The following CEP128 variants were observed in gnomAD, a reference collection of about 807,000 sequenced individuals.
CEP128 encodes the protein centrosomal protein 128kDa.
In CEP128, 132 loss-of-function variants were observed where a neutral mutation model predicts 156.7. The ratio of observed to expected loss-of-function variants is 0.84; its 90% CI spans 0.73 to 0.97. The LOEUF is 0.97. Among genes scored for constraint, CEP128 ranks in the 50% least tolerant of loss-of-function variants. The pLI is 0.00. For synonymous variants in CEP128, 469 were observed against 448.9 expected (o/e 1.04, Z -0.57); for missense variants, 1,252 against 1,281.9 (o/e 0.98, Z 0.36).
In CEP128 at chr14:80,853,370, T is replaced by C. The variant is rs1355369934; in HGVS notation, c.762+9387A>G. Reference sequence around the variant, plus strand: ...CCTTTAATTTCAAATGATATGATTATCTATACACTAAGATAGTATGTCAGT... The same window carrying C: ...CCTTTAATTTCAAATGATATGATTACCTATACACTAAGATAGTATGTCAGT... On this transcript the variant is annotated intron_variant, in intron 9 of 24. Transcript: ENST00000555265. Among the ~76,000 whole-genome samples, 3 of 151,862 alleles carry C rather than the reference T, an allele frequency of 2.0e-5. No homozygotes were observed. The East Asian group carries it at 5.8e-4, about 29-fold the overall frequency.
chr14:80,696,301 T>C (rs1291649814), intron 19 of CEP128, among the ~76,000 whole-genome samples: 1 of 152,160 alleles, frequency 6.6e-6, no homozygotes, highest in Non-Finnish European at 1.5e-5. Flanking sequence ...GAGTGACTTA[T>C]AGGATATCCA....
In CEP128 at chr14:80,743,231, T is replaced by C; in HGVS notation, c.2650A>G (p.Arg884Gly). 1 of 1,613,344 alleles carries C rather than the reference T, an allele frequency of 6.2e-7. No individual in the cohort carries two copies. The highest frequency in any genetic ancestry group is 8.5e-7 in the Non-Finnish European group (1 of 1,179,658). Residue 884 changes from arginine (R) to glycine (G), a missense_variant, in exon 19 of 25, where the codon AGA (arginine) becomes GGA (glycine). By Grantham distance (125) the Arg-to-Gly change is moderately radical. Coordinates refer to ENST00000555265, the MANE Select transcript of CEP128 (RefSeq NM_152446.5). ...CGCAGATTTTTCTCTCTGTTTTCTC[T>C]CTCTTTCAGTTCCTCACAGAGCCAC... ...LQWLCEELKE[R>G]ENREKNLRHQ...
At chr14:80,724,139 C>G (rs1342347493) in intron 19 of CEP128, among the ~76,000 whole-genome samples, 1 of 152,164 alleles carries the variant, frequency 6.6e-6, no homozygotes, top group Non-Finnish European at 1.5e-5. Flanking sequence ...TTCCTCCTGA[C>G]CCTTAAGTCT....
intron 19 of CEP128, among the ~76,000 whole-genome samples, chr14:80,621,582 T>A (rs187196418): frequency 6.6e-6 from 1 of 152,250 alleles, no homozygotes; most frequent in Admixed American, 6.5e-5. Context: ...TACAGTAATA[T>A]ACTAACCAGC....
At chr14:80,700,926 C>T (rs950769296) in intron 19 of CEP128, among the ~76,000 whole-genome samples, 1 of 152,080 alleles carries the variant, frequency 6.6e-6, no homozygotes, top group African/African-American at 2.4e-5. Context: ...AATAGGATAT[C>T]ACATATAGGA....
chr14:80,649,077 A>T (rs1894782832), intron 19 of CEP128, among the ~76,000 whole-genome samples: 1 of 152,138 alleles, frequency 6.6e-6, no homozygotes. Context: ...ATGAGTAGAA[A>T]AGGTTAAGAT....
At chr14:80,814,327 T>C (rs932209681) in intron 13 of CEP128, among the ~76,000 whole-genome samples, 1 of 152,296 alleles carries the variant, frequency 6.6e-6, no homozygotes, top group Middle Eastern at 3.4e-3. Flanking sequence ...ATATCTCTTA[T>C]GAACTTTTCT....
At chr14:80,735,511 G>A (rs187215903) in intron 19 of CEP128, among the ~76,000 whole-genome samples, 108 of 152,274 alleles carry the variant, frequency 7.1e-4, no homozygotes, top group African/African-American at 2.5e-3. Flanking sequence ...TTTCCAAAGA[G>A]GGTCAAGCAG....
chr14:80,490,811 T>G (rs916763527), intron 6 of CEP128: 1 of 152,192 alleles, frequency 6.6e-6, no homozygotes, highest in Admixed American at 6.5e-5. Flanking sequence ...ATTTTTGTTT[T>G]GGGATAGGCA....
chr14:80,631,441 C>T (rs994269373), intron 19 of CEP128, among the ~76,000 whole-genome samples: 4 of 151,954 alleles, frequency 2.6e-5, no homozygotes, highest in Admixed American at 1.3e-4. Context: ...AAGAACTTAG[C>T]GAGATAGCAG....
chr14:80,563,522 A>ATTTTTTTTTT (rs1595010139), intron 20 of CEP128, among the ~76,000 whole-genome samples: 8 of 107,176 alleles, frequency 7.5e-5, no homozygotes, highest in African/African-American at 1.2e-4. Flanking sequence ...GGGCCTCCAA[A>ATTTTTTTTTT]TCTTTTTTTT....
chr14:80,785,012 T>A lies in CEP128; in HGVS notation c.2094A>T (p.Lys698Asn), dbSNP rs1901322783. Residue 698 changes from lysine to asparagine, a missense_variant, in exon 15 of 25, where the codon AAA (lysine) becomes AAT (asparagine). Transcript: ENST00000555265. ...LERDVHQRELKDLTSSLQSVK... is the reference protein window; with the variant it reads ...LERDVHQRELNDLTSSLQSVK... ...CACTCTGCAATGATGATGTGAGATCTTTCAGCTCCCTCTGGTGCACATCTC... is the reference window on the plus strand; with the variant it reads ...CACTCTGCAATGATGATGTGAGATCATTCAGCTCCCTCTGGTGCACATCTC... 1 of 1,614,086 alleles carries A rather than the reference T, an allele frequency of 6.2e-7. No homozygotes were observed. The highest frequency in any genetic ancestry group is 1.3e-5 in the African/African-American group (1 of 74,954).
intron 16 of CEP128, among the ~76,000 whole-genome samples, chr14:80,769,808 AT>A (rs1182257406): frequency 6.6e-6 from 1 of 152,198 alleles, no homozygotes; most frequent in East Asian, 1.9e-4. Context: ...AATTGAGTCA[AT>A]AAACAATTTA....
chr14:80,913,519 G>A (rs965064697), intron 4 of CEP128, among the ~76,000 whole-genome samples: 1 of 152,188 alleles, frequency 6.6e-6, no homozygotes, highest in African/African-American at 2.4e-5. Flanking sequence ...GGGGCTCAAA[G>A]GGAGGTTGGA....
intron 10 of CEP128, among the ~76,000 whole-genome samples, chr14:80,839,088 G>C (rs1301302782): frequency 1.3e-5 from 2 of 152,122 alleles, no homozygotes; most frequent in African/African-American, 4.8e-5. Context: ...AACAGAGCGA[G>C]ACTCCGTCTC....
chr14:80,541,504 C>T (rs1889762796), intron 21 of CEP128, among the ~76,000 whole-genome samples: 1 of 149,808 alleles, frequency 6.7e-6, no homozygotes, highest in African/African-American at 2.5e-5. Flanking sequence ...GGGTGTTTAC[C>T]CCATGAAATT....
At chr14:80,486,962 A>G (rs9743741), downstream of CEP128, among the ~76,000 whole-genome samples, 73,474 of 152,032 alleles carry the variant, frequency 0.48, 18,840 homozygotes, top group East Asian at 0.69. Flanking sequence ...AAGAAACTGC[A>G]TCAACTAACG....
chr14:80,563,222 C>T (rs1461668836), intron 20 of CEP128, among the ~76,000 whole-genome samples: 1 of 152,018 alleles, frequency 6.6e-6, no homozygotes, highest in Non-Finnish European at 1.5e-5. Flanking sequence ...TCAACACACT[C>T]GCAGGGCTTA....
downstream of CEP128, among the ~76,000 whole-genome samples, chr14:80,496,291 C>T (rs186024149): frequency 1.2e-4 from 19 of 152,182 alleles, no homozygotes; most frequent in East Asian, 3.9e-4. Flanking sequence ...GCTTGTGTTA[C>T]GCAATTTTTG....
Sources: gnomAD v4.1 joint callset for allele counts (sites outside exome capture counted in the v4.1 genomes callset) on GRCh38, gnomAD v4.1.1 for gene constraint, MANE v1.5 for transcripts, NCBI Gene and HGNC (gene_info 2026-07-23, HGNC 2026-07-21) for gene names.